SUGCT: variants seen among roughly 807,000 people sequenced by gnomAD.
SUGCT encodes the protein succinyl-CoA:glutarate CoA-transferase.
Under a neutral mutation model 55.0 loss-of-function variants are expected in SUGCT, and 41 were observed. The ratio of observed to expected loss-of-function variants is 0.74; its 90% CI spans 0.58 to 0.97. SUGCT has a LOEUF of 0.97. SUGCT is among the 50% of genes least tolerant of loss of function. SUGCT has a pLI of 0.00. For missense variants in SUGCT, 568 were observed against 547.8 expected (o/e 1.04, Z -0.37); for synonymous variants, 187 against 200.4 (o/e 0.93, Z 0.56).
chr7:40,316,690 AT>A, intron 8 of SUGCT, 69 bp from the exon 9 acceptor site: 1 of 1,008,472 alleles, frequency 9.9e-7, no homozygotes, highest in Non-Finnish European at 1.5e-6. Flanking sequence ...CTTTCATAAT[AT>A]AACGTTCTCT....
intron 6 of SUGCT, among the ~76,000 whole-genome samples, chr7:40,219,729 T>TA (rs941030061): frequency 6.6e-6 from 1 of 151,574 alleles, no homozygotes; most frequent in Non-Finnish European, 1.5e-5. Context: ...AAATACGAAT[T>TA]AAAAAAAACT....
the SUGCT span, among the ~76,000 whole-genome samples, chr7:41,035,484 G>A: frequency 6.6e-6 from 1 of 152,092 alleles, no homozygotes; most frequent in East Asian, 1.9e-4. Context: ...GGGTTGCTGG[G>A]CCTCCCAAAT....
At chr7:40,238,544 A>G (rs947419374) in intron 7 of SUGCT, among the ~76,000 whole-genome samples, 1 of 152,108 alleles carries the variant, frequency 6.6e-6, no homozygotes, top group Admixed American at 6.6e-5. Flanking sequence ...TCTCCAAATC[A>G]CTTCTTCTAG....
In SUGCT at chr7:40,454,796, G is replaced by A. The variant is rs143562536; in HGVS notation, c.889-4305G>A. On this transcript the variant is annotated intron_variant, in intron 10 of 13. Transcript: ENST00000335693. ...TAAGAAATGAAGGTTAAATAAAGATGTTCTGTATAAAGGAAAACTAAGGGA... is the reference window on the plus strand; with the variant it reads ...TAAGAAATGAAGGTTAAATAAAGATATTCTGTATAAAGGAAAACTAAGGGA... Among the ~76,000 whole-genome samples the A allele has an allele frequency of 1.8e-4, 27 of 152,224 alleles. No homozygotes were observed. In the East Asian group the frequency reaches 5.2e-3, roughly 29 times the overall value.
chr7:40,425,059 A>C (rs1293982606), intron 9 of SUGCT, among the ~76,000 whole-genome samples: 2 of 152,130 alleles, frequency 1.3e-5, no homozygotes, highest in Non-Finnish European at 2.9e-5. Context: ...TCAGAAACTC[A>C]TGTAGTTGAA....
the SUGCT span, among the ~76,000 whole-genome samples, chr7:41,023,415 T>C: frequency 6.6e-6 from 1 of 151,898 alleles, no homozygotes; most frequent in Non-Finnish European, 1.5e-5. Flanking sequence ...TACATTAATA[T>C]TAATGTTAGA....
intron 6 of SUGCT, among the ~76,000 whole-genome samples, chr7:40,216,995 T>G (rs1381185715): frequency 6.6e-6 from 1 of 152,164 alleles, no homozygotes; most frequent in African/African-American, 2.4e-5. Context: ...TCTGTTCATT[T>G]GGATGCTGGC....
intron 7 of SUGCT, among the ~76,000 whole-genome samples, chr7:40,271,391 A>G (rs1232504022): frequency 1.3e-5 from 2 of 152,184 alleles, no homozygotes; most frequent in East Asian, 3.9e-4. Context: ...AGTCTCCCAA[A>G]GTGTGGGATT....
intron 10 of SUGCT, among the ~76,000 whole-genome samples, chr7:40,452,530 G>A (rs1023167142): frequency 6.6e-6 from 1 of 152,122 alleles, no homozygotes; most frequent in Non-Finnish European, 1.5e-5. Context: ...CAAGTTTTTA[G>A]ACCACCTGCT....
At chr7:40,665,584 C>A (rs1801584098) in intron 12 of SUGCT, among the ~76,000 whole-genome samples, 1 of 151,914 alleles carries the variant, frequency 6.6e-6, no homozygotes, top group Non-Finnish European at 1.5e-5. Context: ...GTGGTGAGAA[C>A]TAAAGAGAAG....
chr7:40,642,361 G>A (rs1230222234), intron 12 of SUGCT, among the ~76,000 whole-genome samples: 2 of 152,202 alleles, frequency 1.3e-5, no homozygotes, highest in Non-Finnish European at 2.9e-5. Context: ...TCTGTAAAGT[G>A]TTTGGCAGTT....
intron 12 of SUGCT, among the ~76,000 whole-genome samples, chr7:40,624,032 G>A (rs1022910950): frequency 2.2e-4 from 34 of 152,166 alleles, no homozygotes; most frequent in African/African-American, 8.0e-4. Flanking sequence ...CAATCAAATG[G>A]ACATGCGTTA....
chr7:40,425,275 A>G lies in SUGCT; in HGVS notation c.817-24012A>G, dbSNP rs146765310. 6.5e-3 allele frequency among the ~76,000 whole-genome samples: 984 copies of G among 152,268 alleles called. 11 individuals are homozygous for G. The highest frequency in any genetic ancestry group is 0.022 in the African/African-American group (927 of 41,558). On this transcript the variant is annotated intron_variant, in intron 9 of 13. Coordinates refer to ENST00000335693, the MANE Select transcript of SUGCT (RefSeq NM_001193313.2). ...GTAAACATGGCCCCAAACACTCATA[A>G]TAAAATAAGCAAGATCTTCTATTCC...
In SUGCT at chr7:40,449,353, T is replaced by G. The variant is rs575456986; in HGVS notation, c.883T>G (p.Cys295Gly). ...AGNNQQFATV[C>G]KILDLPELID... ...AAATAACCAGCAGTTTGCCACCGTC[T>G]GCAAGGTAATCTATAATTATTGGGA... The change falls in exon 10 of 14, where the codon TGC (cysteine) becomes GGC (glycine). Residue 295 changes from cysteine to glycine, a missense_variant. Transcript: ENST00000335693. The G allele has an allele frequency of 8.7e-6, 14 of 1,608,406 alleles. No homozygotes were observed. In the East Asian group the frequency reaches 1.8e-4, roughly 21 times the overall value.
chr7:40,409,947 A>T (rs1786581801), intron 9 of SUGCT, among the ~76,000 whole-genome samples: 1 of 152,088 alleles, frequency 6.6e-6, no homozygotes, highest in Non-Finnish European at 1.5e-5. Context: ...TCATAATAGC[A>T]AGTTTTGTAG....
the SUGCT span, among the ~76,000 whole-genome samples, chr7:40,892,697 C>T: frequency 6.6e-6 from 1 of 152,036 alleles, no homozygotes; most frequent in African/African-American, 2.4e-5. Flanking sequence ...CCACACTTGA[C>T]TAATTAAAAA....
chr7:40,546,097 T>A (rs1794974698), intron 12 of SUGCT, among the ~76,000 whole-genome samples: 2 of 152,102 alleles, frequency 1.3e-5, no homozygotes, highest in Admixed American at 1.3e-4. Flanking sequence ...GGAATAAATT[T>A]AACAACACTC....
At chr7:40,137,466 G>T (rs890548331) in intron 1 of SUGCT, among the ~76,000 whole-genome samples, 2 of 152,088 alleles carry the variant, frequency 1.3e-5, no homozygotes, top group African/African-American at 4.8e-5. Flanking sequence ...CAGTTTAACT[G>T]ATGGACGCCT....
At chr7:40,495,897 A>G (rs1228516897) in intron 11 of SUGCT, among the ~76,000 whole-genome samples, 1 of 152,166 alleles carries the variant, frequency 6.6e-6, no homozygotes, top group Non-Finnish European at 1.5e-5. Flanking sequence ...TGTTTTGAAG[A>G]ATAATATATC....
Sources: allele counts gnomAD v4.1 joint callset (sites outside exome capture counted in the v4.1 genomes callset), GRCh38; gene constraint gnomAD v4.1.1; transcripts MANE v1.5; gene names NCBI Gene and HGNC (gene_info 2026-07-23, HGNC 2026-07-21).